Variants in DLC1 observed in about 807,000 individuals in gnomAD.
DLC1 encodes the protein DLC1 Rho GTPase activating protein.
A neutral mutation model predicts 140.3 loss-of-function variants in DLC1; 54 were observed. The ratio of observed to expected loss-of-function variants is 0.38; its 90% CI spans 0.31 to 0.48. The LOEUF is 0.48. Among genes scored for constraint, DLC1 ranks in the 20% least tolerant of loss-of-function variants. The probability of loss-of-function intolerance (pLI) is 0.96; values close to 1 mark genes in which losing one functional copy is unlikely to be tolerated. For synonymous variants in DLC1, 986 were observed against 728.1 expected (o/e 1.35, Z -5.70); for missense variants, 2,536 against 1,907.0 (o/e 1.33, Z -6.14).
rs142437543 is a variant in DLC1, at chr8:13,449,793, C to T, written c.1024-48174G>A. ...ATGTAACTAACCTGCACATTGTGCA[C>T]ATGTACCCTAAAACTTAAAGTATAA... On this transcript the variant is annotated intron_variant, in intron 2 of 17. Transcript: ENST00000276297. Among the ~76,000 whole-genome samples the T allele has an allele frequency of 4.1e-3, 628 of 152,052 alleles. 8 individuals are homozygous for T. Among genetic ancestry groups the T allele is most frequent in the African/African-American group, 0.015 (609 of 41,472 alleles).
chr8:13,445,134 A>G (rs1798718656), intron 2 of DLC1, among the ~76,000 whole-genome samples: 1 of 152,124 alleles, frequency 6.6e-6, no homozygotes, highest in African/African-American at 2.4e-5. Flanking sequence ...CGAAAGGAAG[A>G]GAGCACAGAG....
intron 1 of DLC1, among the ~76,000 whole-genome samples, chr8:13,572,028 T>G (rs1406889608): frequency 2.0e-5 from 3 of 152,092 alleles, no homozygotes; most frequent in Non-Finnish European, 4.4e-5. Context: ...TCTATTCAAA[T>G]CCTCTGCCCA....
At chr8:13,104,899 G>A (rs181301278) in intron 7 of DLC1, among the ~76,000 whole-genome samples, 6 of 152,108 alleles carry the variant, frequency 3.9e-5, no homozygotes, top group Admixed American at 2.6e-4. Context: ...TGGATATAAG[G>A]TCCCTCTATT....
chr8:13,363,258 C>T (rs571285470), intron 4 of DLC1, among the ~76,000 whole-genome samples: 48 of 152,224 alleles, frequency 3.2e-4, no homozygotes, highest in Non-Finnish European at 5.4e-4. Flanking sequence ...ATATTTGCTC[C>T]CTGAGGGCAG....
intron 5 of DLC1, among the ~76,000 whole-genome samples, chr8:13,123,815 A>G (rs947817880): frequency 1.3e-5 from 2 of 152,220 alleles, no homozygotes; most frequent in African/African-American, 2.4e-5. Flanking sequence ...GTTGCTCAAT[A>G]AATATTACAT....
intron 4 of DLC1, among the ~76,000 whole-genome samples, chr8:13,328,164 A>G (rs1586146300): frequency 6.6e-6 from 1 of 152,108 alleles, no homozygotes; most frequent in Non-Finnish European, 1.5e-5. Context: ...CGTGGGTTTT[A>G]AGTAGATAAA....
chr8:13,601,249 G>A (rs941142086), intron 1 of DLC1, among the ~76,000 whole-genome samples: 1 of 151,866 alleles, frequency 6.6e-6, no homozygotes, highest in Middle Eastern at 3.4e-3. Flanking sequence ...TGATATTTTA[G>A]TTTCCATAAT....
chr8:13,314,410 A>T (rs1435243666), intron 4 of DLC1, among the ~76,000 whole-genome samples: 1 of 151,422 alleles, frequency 6.6e-6, no homozygotes, highest in African/African-American at 2.4e-5. Context: ...AGTTTAACAG[A>T]ATAGCATATA....
intron 1 of DLC1, among the ~76,000 whole-genome samples, chr8:13,541,152 G>A (rs1049213366): frequency 1.3e-5 from 2 of 152,176 alleles, no homozygotes; most frequent in African/African-American, 4.8e-5. Context: ...TTTTATTGCT[G>A]AGTAGTATTC....
intron 1 of DLC1, among the ~76,000 whole-genome samples, chr8:13,580,112 G>T (rs1370505994): frequency 4.3e-5 from 3 of 69,714 alleles, no homozygotes; most frequent in African/African-American, 1.6e-4. Flanking sequence ...TCTAATTTAA[G>T]TTGGTTACAT....
chr8:13,517,812 C>T (rs907810494), upstream of DLC1, among the ~76,000 whole-genome samples: 2 of 152,202 alleles, frequency 1.3e-5, no homozygotes, highest in African/African-American at 4.8e-5. Context: ...GTGTGAGTTA[C>T]CTAACCGGGG....
intron 5 of DLC1, among the ~76,000 whole-genome samples, chr8:13,178,114 T>C (rs1462862171): frequency 2.6e-5 from 4 of 152,112 alleles, no homozygotes; most frequent in African/African-American, 9.7e-5. Flanking sequence ...CCTCACATCA[T>C]TGATTTAAAA....
chr8:13,132,962 C>A, intron 5 of DLC1: 2 of 1,611,078 alleles, frequency 1.2e-6, no homozygotes, highest in South Asian at 1.1e-5. Flanking sequence ...ATCATGGTGT[C>A]CGGCTTCTTT....
At position 13,547,454 on chromosome 8, in the gene DLC1, A is replaced by G. The variant is rs1803692072; in HGVS notation, c.-125-47258T>C. On this transcript the variant is annotated intron_variant, in intron 1 of 1. Transcript: ENST00000631382. Reference sequence around the variant, plus strand: ...TGACTGCCTCTGTTACTCACCCAACACAGTCTATAACCAGAAATGTCACTG... The same window carrying G: ...TGACTGCCTCTGTTACTCACCCAACGCAGTCTATAACCAGAAATGTCACTG... 2.0e-5 allele frequency among the ~76,000 whole-genome samples: 3 copies of G among 152,030 alleles called. 1 individual carries two copies. Among genetic ancestry groups the G allele is most frequent in the Admixed American group, 2.0e-4 (3 of 15,244 alleles).
At chr8:13,391,241 A>G (rs1836747765) in intron 4 of DLC1, among the ~76,000 whole-genome samples, 1 of 152,124 alleles carries the variant, frequency 6.6e-6, no homozygotes, top group African/African-American at 2.4e-5. Context: ...GGTGTTGAAG[A>G]GGAATACTGT....
chr8:13,322,958 G>C (rs1833185129), intron 4 of DLC1, among the ~76,000 whole-genome samples: 1 of 152,158 alleles, frequency 6.6e-6, no homozygotes, highest in Non-Finnish European at 1.5e-5. Context: ...GGGAAAGCTA[G>C]CAGCCATGTC....
chr8:13,450,269 A>G (rs1224829732), intron 2 of DLC1, among the ~76,000 whole-genome samples: 1 of 151,890 alleles, frequency 6.6e-6, no homozygotes, highest in Admixed American at 6.6e-5. Context: ...AGTCTGGCCA[A>G]CATGGTGAAA....
chr8:13,589,210 C>T (rs963797618), intron 1 of DLC1, among the ~76,000 whole-genome samples: 3 of 151,862 alleles, frequency 2.0e-5, no homozygotes, highest in Non-Finnish European at 4.4e-5. Context: ...CATTCTTAGC[C>T]CAGAGATGCT....
At chr8:13,361,801 G>A (rs951104074) in intron 4 of DLC1, among the ~76,000 whole-genome samples, 9 of 152,162 alleles carry the variant, frequency 5.9e-5, no homozygotes, top group Non-Finnish European at 7.3e-5. Context: ...ACTGAAAAGG[G>A]CTGACAGTAG....
Sources: gnomAD v4.1 joint callset for allele counts (sites outside exome capture counted in the v4.1 genomes callset) on GRCh38, gnomAD v4.1.1 for gene constraint, MANE v1.5 for transcripts, NCBI Gene and HGNC (gene_info 2026-07-23, HGNC 2026-07-21) for gene names.